LIN28B: variants seen among roughly 807,000 people sequenced by gnomAD.
The protein encoded by LIN28B is protein lin-28 homolog B.
LIN28B carries 5 observed loss-of-function variants against 21.9 expected under a neutral mutation model. The observed-to-expected ratio is 0.23, with a 90% CI of 0.12 to 0.48. LIN28B has a LOEUF of 0.48. LIN28B is among the 20% of genes least tolerant of loss of function. The probability of loss-of-function intolerance (pLI) is 0.98; values close to 1 mark genes in which losing one functional copy is unlikely to be tolerated. For synonymous variants in LIN28B, 109 were observed against 111.3 expected (o/e 0.98, Z 0.13); for missense variants, 245 against 310.5 (o/e 0.79, Z 1.58).
chr6:105,035,899 A>G (rs1461949010), intron 3 of LIN28B, among the ~76,000 whole-genome samples: 1 of 152,210 alleles, frequency 6.6e-6, no homozygotes, highest in African/African-American at 2.4e-5. Context: ...AAATATATAC[A>G]TATGGTAATA....
At chr6:105,065,094 C>T (rs900170493) in intron 3 of LIN28B, among the ~76,000 whole-genome samples, 1 of 152,164 alleles carries the variant, frequency 6.6e-6, no homozygotes, top group African/African-American at 2.4e-5. Context: ...ATTTTACCTC[C>T]ACCAGTGGCT....
intron 3 of LIN28B, among the ~76,000 whole-genome samples, chr6:105,057,784 A>G (rs1447652889): frequency 2.6e-5 from 4 of 152,164 alleles, no homozygotes; most frequent in Non-Finnish European, 1.5e-5. Flanking sequence ...AATTATATGT[A>G]TATAGAGATT....
At chr6:105,060,145 C>T (rs186969319) in intron 3 of LIN28B, among the ~76,000 whole-genome samples, 20 of 152,288 alleles carry the variant, frequency 1.3e-4, no homozygotes, top group East Asian at 9.7e-4. Flanking sequence ...TCAGGTGATC[C>T]GCCTGCCTTG....
chr6:104,957,125 T>G lies in LIN28B; in HGVS notation c.-126T>G. Reference sequence around the variant, plus strand: ...AAAAAATCAAAAGAAGGAAAGCACATTAGACCATGCGAGCTAAATTTGTGA... The same window carrying G: ...AAAAAATCAAAAGAAGGAAAGCACAGTAGACCATGCGAGCTAAATTTGTGA... On this transcript the variant is annotated 5_prime_UTR_variant, in exon 1 of 4. Coordinates refer to ENST00000345080, the MANE Select transcript of LIN28B (RefSeq NM_001004317.4). The G allele has an allele frequency of 6.2e-7, 1 of 1,606,602 alleles. No homozygotes were observed. Among genetic ancestry groups the G allele is most frequent in the Non-Finnish European group, 8.5e-7 (1 of 1,176,364 alleles).
At chr6:104,975,607 G>A (rs1043229415) in intron 2 of LIN28B, among the ~76,000 whole-genome samples, 2 of 152,028 alleles carry the variant, frequency 1.3e-5, no homozygotes, top group Non-Finnish European at 2.9e-5. Flanking sequence ...TGATGATAGT[G>A]TAACTTTTAC....
chr6:105,037,079 T>C (rs1771535542), intron 3 of LIN28B, among the ~76,000 whole-genome samples: 1 of 152,238 alleles, frequency 6.6e-6, no homozygotes. Context: ...TATCATGATT[T>C]ATATCTGCTA....
Position 105,034,545 on chromosome 6 carries a change from TATC to T in LIN28B, c.383+8066_383+8068del, listed in dbSNP as rs1771489424. ...ATCATAGTAGAAGAATTTGTTAACTTATCATTTTTAAGATGCTACTTATTTAGA... is the reference window on the plus strand; with the variant it reads ...ATCATAGTAGAAGAATTTGTTAACTTATTTTTAAGATGCTACTTATTTAGA... On this transcript the variant is annotated intron_variant, in intron 3 of 3. Coordinates refer to ENST00000345080, the MANE Select transcript of LIN28B (RefSeq NM_001004317.4). 4.6e-5 allele frequency among the ~76,000 whole-genome samples: 7 copies of T among 152,042 alleles called. 1 individual carries two copies. The South Asian group carries it at 1.4e-3, about 31-fold the overall frequency.
At chr6:105,004,851 A>T (rs546935602) in intron 2 of LIN28B, among the ~76,000 whole-genome samples, 2 of 152,250 alleles carry the variant, frequency 1.3e-5, no homozygotes, top group Admixed American at 6.5e-5. Context: ...CCTATAGCTT[A>T]CCATACTCCT....
intron 2 of LIN28B, among the ~76,000 whole-genome samples, chr6:105,009,545 A>G (rs1247159819): frequency 6.6e-6 from 1 of 152,034 alleles, no homozygotes. Context: ...AGAAGTTCCT[A>G]ATTTTTCTCA....
intron 2 of LIN28B, among the ~76,000 whole-genome samples, chr6:104,962,721 C>T (rs549829062): frequency 2.6e-5 from 4 of 151,984 alleles, no homozygotes; most frequent in South Asian, 2.1e-4. Context: ...AAGGGCTTTT[C>T]GTAATATTTC....
intron 2 of LIN28B, among the ~76,000 whole-genome samples, chr6:104,947,275 C>T (rs1430959429): frequency 2.0e-5 from 3 of 152,080 alleles, no homozygotes; most frequent in East Asian, 1.9e-4. Context: ...CAGGCATGCA[C>T]GACCACGCCT....
intron 2 of LIN28B, among the ~76,000 whole-genome samples, chr6:105,010,325 T>C (rs892371545): frequency 6.8e-5 from 10 of 146,996 alleles, no homozygotes; most frequent in South Asian, 2.1e-4. Flanking sequence ...ATTATGCTAC[T>C]ACACTCCAGC....
chr6:105,042,777 C>G (rs147135376), intron 3 of LIN28B, among the ~76,000 whole-genome samples: 25 of 152,322 alleles, frequency 1.6e-4, no homozygotes, highest in Non-Finnish European at 2.9e-4. Flanking sequence ...GTGCAGCTCT[C>G]TCTCTCAGGT....
chr6:104,951,369 C>G (rs950579394), intron 3 of LIN28B, among the ~76,000 whole-genome samples: 1 of 151,924 alleles, frequency 6.6e-6, no homozygotes, highest in African/African-American at 2.4e-5. Context: ...GATGAGGAAA[C>G]CATGATAGGA....
intron 3 of LIN28B, among the ~76,000 whole-genome samples, chr6:105,039,056 T>G (rs1771579799): frequency 6.6e-6 from 1 of 152,236 alleles, no homozygotes; most frequent in Non-Finnish European, 1.5e-5. Flanking sequence ...TTTTTCAAAC[T>G]GTGGGTTGGG....
chr6:105,004,569 G>GT (rs1770779783), intron 2 of LIN28B, among the ~76,000 whole-genome samples: 1 of 151,942 alleles, frequency 6.6e-6, no homozygotes, highest in South Asian at 2.1e-4. Flanking sequence ...AAAAATGAAA[G>GT]TTTAGCCCAT....
chr6:105,034,947 G>A (rs1434839953), intron 3 of LIN28B, among the ~76,000 whole-genome samples: 1 of 151,836 alleles, frequency 6.6e-6, no homozygotes, highest in African/African-American at 2.4e-5. Context: ...CCCTCATTCA[G>A]TTTTAGAGCA....
At chr6:104,995,156 G>T (rs1343148897) in intron 2 of LIN28B, among the ~76,000 whole-genome samples, 4 of 152,190 alleles carry the variant, frequency 2.6e-5, no homozygotes, top group Non-Finnish European at 5.9e-5. Flanking sequence ...TACTCAGCCT[G>T]TGTATTGAGG....
intron 3 of LIN28B, among the ~76,000 whole-genome samples, chr6:105,052,340 GA>G (rs1167789020): frequency 2.0e-5 from 3 of 152,222 alleles, no homozygotes; most frequent in East Asian, 3.9e-4. Context: ...AATTTATGAT[GA>G]AAAAAATTTT....
Sources: gnomAD v4.1 joint callset for allele counts (sites outside exome capture counted in the v4.1 genomes callset) on GRCh38, gnomAD v4.1.1 for gene constraint, MANE v1.5 for transcripts, NCBI Gene and HGNC (gene_info 2026-07-23, HGNC 2026-07-21) for gene names.